The following CREBRF variants were observed in gnomAD, a reference collection of about 807,000 sequenced individuals.
CREBRF encodes UPF0474 protein C5orf41.
In CREBRF, 5 loss-of-function variants were observed where a neutral mutation model predicts 66.1. The observed-to-expected ratio is 0.08, with a 90% CI of 0.04 to 0.16. The LOEUF (loss-of-function observed/expected upper bound fraction) is 0.16, where lower values mean the gene tolerates loss of function less well. CREBRF is among the 10% of genes least tolerant of loss of function. The pLI is 1.00. For synonymous variants in CREBRF, 229 were observed against 264.4 expected (o/e 0.87, Z 1.30); for missense variants, 531 against 744.9 (o/e 0.71, Z 3.34).
At position 173,137,956 on chromosome 5, in the gene CREBRF, C is replaced by T. The variant is rs971938367; in HGVS notation, c.*4211C>T. On this transcript the variant is annotated 3_prime_UTR_variant, in exon 9 of 9. Transcript: ENST00000296953. ...TAATTATGTAACAGAATGTTAGCAT[C>T]TCTCCATATCTTGAAACTTGAATTT... 1 of 152,128 alleles carries T rather than the reference C, an allele frequency of 6.6e-6. No individual in the cohort carries two copies. Among genetic ancestry groups the T allele is most frequent in the East Asian group, 1.9e-4 (1 of 5,196 alleles). 9.4% of individuals were successfully genotyped at this position (152,128 alleles called of 1,614,324 possible). A position where few individuals can be genotyped will look rare whatever the true frequency, so the allele number is the denominator to read the frequency against.
intron 1 of CREBRF, among the ~76,000 whole-genome samples, chr5:173,071,368 C>A (rs541925664): frequency 1.3e-5 from 2 of 151,964 alleles, no homozygotes; most frequent in Non-Finnish European, 2.9e-5. Flanking sequence ...TGAGCCACCA[C>A]GCCCAGCTAA....
chr5:173,060,010 C>G (rs1206918327), intron 1 of CREBRF, among the ~76,000 whole-genome samples: 1 of 151,942 alleles, frequency 6.6e-6, no homozygotes, highest in East Asian at 1.9e-4. Context: ...TGTGTGGGTT[C>G]TGGGATACTA....
intron 2 of CREBRF, chr5:173,085,428 T>C: frequency 3.6e-6 from 3 of 841,592 alleles, no homozygotes; most frequent in East Asian, 2.6e-5. Context: ...TTTTTTTTTC[T>C]TTTTGGAGAC....
intron 1 of CREBRF, among the ~76,000 whole-genome samples, chr5:173,075,864 C>T (rs1016589730): frequency 2.0e-5 from 3 of 151,554 alleles, no homozygotes; most frequent in African/African-American, 4.9e-5. Context: ...TTTCCTTTAC[C>T]TCTTGTCTTA....
At chr5:173,074,022 G>T (rs1757676390) in intron 1 of CREBRF, among the ~76,000 whole-genome samples, 1 of 149,916 alleles carries the variant, frequency 6.7e-6, no homozygotes, top group Admixed American at 6.6e-5. Context: ...TTTCTTTTTG[G>T]CCGGTTGCGG....
chr5:173,122,499 C>T (rs2113794253), intron 7 of CREBRF, among the ~76,000 whole-genome samples: 2 of 150,664 alleles, frequency 1.3e-5, no homozygotes, highest in East Asian at 3.9e-4. Context: ...TGCTTTCTTA[C>T]ACATTCTCCA....
At chr5:173,086,686 GTTTT>G in intron 3 of CREBRF, 60 bp downstream of exon 3, 2 of 1,480,980 alleles carry the variant, frequency 1.4e-6, no homozygotes, top group Non-Finnish European at 1.8e-6. Context: ...TTGTGGGAGA[GTTTT>G]TTGTTTATAA....
intron 4 of CREBRF, among the ~76,000 whole-genome samples, chr5:173,101,463 T>C (rs1318435330): frequency 6.6e-6 from 1 of 152,180 alleles, no homozygotes; most frequent in African/African-American, 2.4e-5. Flanking sequence ...AGTTTCATTG[T>C]ATATGACAAG....
At chr5:173,069,316 T>C (rs1757532869) in intron 1 of CREBRF, among the ~76,000 whole-genome samples, 1 of 152,048 alleles carries the variant, frequency 6.6e-6, no homozygotes, top group South Asian at 2.1e-4. Context: ...GATGAGAGTC[T>C]GGAATGAAAT....
chr5:173,081,284 A>G (rs1757932045), intron 2 of CREBRF, among the ~76,000 whole-genome samples: 1 of 152,128 alleles, frequency 6.6e-6, no homozygotes, highest in African/African-American at 2.4e-5. Context: ...AAATATATCT[A>G]AGAATGATTG....
chr5:173,094,385 A>G (rs1235265690), intron 4 of CREBRF, among the ~76,000 whole-genome samples: 2 of 152,150 alleles, frequency 1.3e-5, no homozygotes, highest in East Asian at 3.8e-4. Flanking sequence ...TGACTGTACC[A>G]ATTTACATTC....
At chr5:173,074,005 A>G (rs1163458993) in intron 1 of CREBRF, among the ~76,000 whole-genome samples, 1 of 113,956 alleles carries the variant, frequency 8.8e-6, no homozygotes, top group Non-Finnish European at 2.1e-5. Flanking sequence ...ATAAATAAAT[A>G]AATAGTTTTC....
intron 1 of CREBRF, among the ~76,000 whole-genome samples, chr5:173,062,747 C>CT (rs35042056): frequency 0.38 from 45,556 of 118,654 alleles, 10,500 homozygotes; most frequent in Non-Finnish European, 0.5. Flanking sequence ...TAAAATCATT[C>CT]TTTTTTTTTT....
chr5:173,112,495 C>A, intron 7 of CREBRF, 116 bp downstream of exon 7: 2 of 652,828 alleles, frequency 3.1e-6, no homozygotes, highest in Admixed American at 6.2e-5. Context: ...TGGCTAGCCT[C>A]CTATTTGTTT....
At chr5:173,072,787 T>C (rs1256911078) in intron 1 of CREBRF, among the ~76,000 whole-genome samples, 1 of 151,976 alleles carries the variant, frequency 6.6e-6, no homozygotes, top group Non-Finnish European at 1.5e-5. Flanking sequence ...GTAGGGTAAA[T>C]ATTAGAATGG....
intron 4 of CREBRF, among the ~76,000 whole-genome samples, chr5:173,096,701 G>C (rs919299355): frequency 1.3e-5 from 2 of 151,912 alleles, no homozygotes; most frequent in Middle Eastern, 3.2e-3. Context: ...CTATGGGTTT[G>C]TCGTGTATGG....
intron 1 of CREBRF, chr5:173,068,055 CA>C: frequency 2.4e-6 from 1 of 424,204 alleles, no homozygotes; most frequent in Non-Finnish European, 4.7e-6. Context: ...TATATCCTCC[CA>C]GTAGAGTGCA....
intron 4 of CREBRF, chr5:173,092,235 AAT>A (rs1758361880): frequency 1.0e-6 from 1 of 973,614 alleles, no homozygotes; most frequent in Admixed American, 6.1e-5. Context: ...ATTTATGAAT[AAT>A]GTAAAAGCAT....
intron 5 of CREBRF, 65 bp downstream of exon 5, chr5:173,108,883 T>C (rs1026268127): frequency 2.7e-5 from 39 of 1,455,318 alleles, no homozygotes; most frequent in Non-Finnish European, 3.1e-5. Context: ...TAATCCATAA[T>C]GTTTACTCCG....
Sources: allele counts gnomAD v4.1 joint callset (sites outside exome capture counted in the v4.1 genomes callset), GRCh38; gene constraint gnomAD v4.1.1; transcripts MANE v1.5; gene names NCBI Gene and HGNC (gene_info 2026-07-23, HGNC 2026-07-21).